Variants in KIN observed in about 807,000 individuals in gnomAD.
KIN encodes the protein DNA/RNA-binding protein KIN17.
Under a neutral mutation model 63.0 loss-of-function variants are expected in KIN, and 47 were observed. The observed-to-expected ratio is 0.75, with a 90% CI of 0.59 to 0.95. The LOEUF (loss-of-function observed/expected upper bound fraction) is 0.95. Ranked by LOEUF, KIN falls within the 40% of genes least tolerant of loss-of-function variation. The pLI is 0.00. For missense variants in KIN, 408 were observed against 460.9 expected (o/e 0.89, Z 1.05); for synonymous variants, 160 against 157.7 (o/e 1.01, Z -0.11).
chr10:7,757,588 G>C (rs973284916), intron 12 of KIN, among the ~76,000 whole-genome samples: 1 of 151,938 alleles, frequency 6.6e-6, no homozygotes, highest in East Asian at 1.9e-4. Flanking sequence ...AATATAACAT[G>C]ATGATGATGA....
rs1395884673 is a variant in KIN, at chr10:7,752,106, A to C, written c.*3974T>G. The C allele has an allele frequency of 3.9e-5, 6 of 152,172 alleles. No individual in the cohort carries two copies. Among genetic ancestry groups the C allele is most frequent in the Non-Finnish European group, 8.8e-5 (6 of 68,044 alleles). The allele number at this position is 152,172 out of a possible 1,614,324, so 9.4% of individuals were successfully genotyped here. On this transcript the variant is annotated 3_prime_UTR_variant, in exon 13 of 13. Coordinates refer to ENST00000379562, the MANE Select transcript of KIN (RefSeq NM_012311.4). ...TAACGATGAAAATCTTGGGGTGTTAAAAAAGAATAGCTTAAAACAAAATGA... is the reference window on the plus strand; with the variant it reads ...TAACGATGAAAATCTTGGGGTGTTACAAAAGAATAGCTTAAAACAAAATGA...
At chr10:7,781,370 AC>A (rs1198432019) in intron 2 of KIN, among the ~76,000 whole-genome samples, 1 of 152,124 alleles carries the variant, frequency 6.6e-6, no homozygotes, top group Non-Finnish European at 1.5e-5. Context: ...TGGCTGGGAA[AC>A]CAAAATAAGG....
At chr10:7,756,558 C>T (rs1835336562) in intron 12 of KIN, among the ~76,000 whole-genome samples, 1 of 152,190 alleles carries the variant, frequency 6.6e-6, no homozygotes, top group Non-Finnish European at 1.5e-5. Context: ...CTGCCCAGTG[C>T]ACACAGACAT....
At position 7,751,290 on chromosome 10, in the gene KIN, G is replaced by C. The variant is rs1835241322; in HGVS notation, c.*4790C>G. On this transcript the variant is annotated 3_prime_UTR_variant, in exon 13 of 13. Coordinates refer to ENST00000379562, the MANE Select transcript of KIN (RefSeq NM_012311.4). ...TATGAATCTTCCTTTCCATAATCTG[G>C]TAAAAATCATTTTTCATTGTAGAGG... 6.6e-6 allele frequency: 1 copy of C among 152,096 alleles called. No individual in the cohort carries two copies. The highest frequency in any genetic ancestry group is 2.1e-4 in the South Asian group (1 of 4,824). The allele number at this position is 152,096 out of a possible 1,614,324, so 9.4% of individuals were successfully genotyped here.
chr10:7,764,364 G>C (rs896366083), intron 9 of KIN, among the ~76,000 whole-genome samples: 3 of 152,132 alleles, frequency 2.0e-5, no homozygotes. Flanking sequence ...AAATGGGAGG[G>C]AAATCTGGGC....
At chr10:7,761,304 TATG>T (rs1835431301) in intron 11 of KIN, 1 of 152,190 alleles carries the variant, frequency 6.6e-6, no homozygotes. Flanking sequence ...GAATAAAGAA[TATG>T]ATAATAAGAA....
intron 12 of KIN, 87 bp from the exon 13 acceptor site, chr10:7,756,229 T>G: frequency 1.4e-6 from 1 of 719,238 alleles, no homozygotes; most frequent in Non-Finnish European, 2.2e-6. Flanking sequence ...GATACAAATT[T>G]GCCTTTTCCG....
chr10:7,781,750 CAAAAAAAAAAAA>C (rs34969604), intron 2 of KIN, among the ~76,000 whole-genome samples: 1 of 67,998 alleles, frequency 1.5e-5, no homozygotes, highest in African/African-American at 6.0e-5. Flanking sequence ...AAGACCCTGT[CAAAAAAAAAAAA>C]AAAAAAAAAA....
In KIN at chr10:7,778,857, C is replaced by A; in HGVS notation, c.539G>T (p.Gly180Val). ...ACCCACCTGTTCCTTCCCTTCCAGG[C>A]CTCTTCTCACTTGCTCTTCAATAAA... ...AKFIEEQVRRGLEGKEQEVPT... is the reference protein window; with the variant it reads ...AKFIEEQVRRVLEGKEQEVPT... Residue 180 changes from glycine to valine, a missense_variant, in exon 5 of 13, where the codon GGC becomes GTC. Gly to Val is a moderately radical substitution (Grantham distance 109, BLOSUM62 -3). Around this residue, in one of 2 missense-constraint regions of KIN, gnomAD observed 298 missense variants for 296.0 expected, o/e 1.01. Coordinates refer to ENST00000379562, the MANE Select transcript of KIN (RefSeq NM_012311.4). 6.2e-6 allele frequency: 10 copies of A among 1,613,982 alleles called. No individual in the cohort carries two copies. Among genetic ancestry groups the A allele is most frequent in the South Asian group, 3.3e-5 (3 of 91,066 alleles).
At position 7,754,652 on chromosome 10, in the gene KIN, A is replaced by C. The variant is rs1483396983; in HGVS notation, c.*1428T>G. The stretch of plus-strand genomic sequence containing the variant: ...GTGTCAGAAAAAAAAAAAAAAAGAA[A>C]AAGAAAAGATAGATCATCTCTCTCT... On this transcript the variant is annotated 3_prime_UTR_variant, in exon 13 of 13. Transcript: ENST00000379562. 6.6e-6 allele frequency: 1 copy of C among 152,186 alleles called. No homozygotes were observed. The highest frequency in any genetic ancestry group is 2.4e-5 in the African/African-American group (1 of 41,382). The allele number at this position is 152,186 out of a possible 1,614,324, so 9.4% of individuals were successfully genotyped here.
Position 7,769,356 on chromosome 10 carries a change from G to A in KIN, c.669-11C>T. The A allele has an allele frequency of 6.2e-7, 1 of 1,606,470 alleles. No homozygotes were observed. Among genetic ancestry groups the A allele is most frequent in the Non-Finnish European group, 8.5e-7 (1 of 1,177,776 alleles). On this transcript the variant is annotated splice_polypyrimidine_tract_variant and intron_variant, in intron 7 of 12. Coordinates refer to ENST00000379562, the MANE Select transcript of KIN (RefSeq NM_012311.4). ...CTCGGTCCCAGAGTACTGATGAACA[G>A]GAGAACCATGCTTGTTACCAAGAAC...
At position 7,766,095 on chromosome 10, in the gene KIN, C is replaced by T; in HGVS notation, c.807G>A (p.Glu269=). 1 of 1,607,664 alleles carries T rather than the reference C, an allele frequency of 6.2e-7. No homozygotes were observed. The highest frequency in any genetic ancestry group is 1.1e-5 in the South Asian group (1 of 90,532). ...SALDEIMEIE[E]EKKRTARTDY... is the part of the protein sequence containing the mutation. ...CTGTTCGGGCAGTTCTTTTCTTTTC[C>T]TCTTCAATCTGTAGAACACATAATG... Residue 269 remains glutamate, a synonymous_variant, in exon 9 of 13, where the codon GAG becomes GAA. Transcript: ENST00000379562.
chr10:7,764,113 G>A (rs186582793), intron 9 of KIN, among the ~76,000 whole-genome samples: 3 of 152,254 alleles, frequency 2.0e-5, no homozygotes, highest in East Asian at 1.9e-4. Context: ...AGTACTTCAC[G>A]TCTTTCGTAG....
chr10:7,778,073 T>C (rs1427047767), intron 5 of KIN, among the ~76,000 whole-genome samples: 3 of 152,064 alleles, frequency 2.0e-5, no homozygotes, highest in Non-Finnish European at 4.4e-5. Context: ...CCCTCCCCAT[T>C]CATCTGGCTT....
chr10:7,766,184 C>T, intron 8 of KIN, 81 bp from the exon 9 acceptor site: 1 of 918,766 alleles, frequency 1.1e-6, no homozygotes, highest in Non-Finnish European at 1.7e-6. Flanking sequence ...AGCAAAATAA[C>T]ACCATAAAAC....
At chr10:7,782,994 G>T in intron 2 of KIN, 87 bp downstream of exon 2, 1 of 556,972 alleles carries the variant, frequency 1.8e-6, no homozygotes, top group South Asian at 3.5e-5. Context: ...AGAAATAATA[G>T]AACTTCCAAT....
intron 7 of KIN, among the ~76,000 whole-genome samples, chr10:7,771,715 A>G (rs1374281504): frequency 6.6e-6 from 1 of 152,044 alleles, no homozygotes; most frequent in African/African-American, 2.4e-5. Context: ...CAACATGGTG[A>G]AATCCAGTTT....
At chr10:7,784,599 A>G (rs898802580) in intron 1 of KIN, among the ~76,000 whole-genome samples, 4 of 152,204 alleles carry the variant, frequency 2.6e-5, no homozygotes, top group Admixed American at 1.3e-4. Context: ...AACAAAAAAA[A>G]ATAAGTTTAA....
At chr10:7,762,983 C>T (rs566094721) in intron 10 of KIN, among the ~76,000 whole-genome samples, 1 of 152,292 alleles carries the variant, frequency 6.6e-6, no homozygotes, top group African/African-American at 2.4e-5. Flanking sequence ...AGGCCGGGTG[C>T]AGTGGCTCAC....
Sources: gnomAD v4.1 joint callset for allele counts (sites outside exome capture counted in the v4.1 genomes callset) on GRCh38, gnomAD v4.1.1 for gene constraint, gnomAD v4.1.1 regional missense constraint, MANE v1.5 for transcripts, NCBI Gene and HGNC (gene_info 2026-07-23, HGNC 2026-07-21) for gene names.